The following MYBPC1 variants were observed in gnomAD, a reference collection of about 807,000 sequenced individuals.
The protein encoded by MYBPC1 is myosin binding protein C1, also known as myosin-binding protein C, slow-type.
In MYBPC1, 52 loss-of-function variants were observed where a neutral mutation model predicts 147.1. That is an observed-to-expected ratio of 0.35 (90% CI 0.28 to 0.45). MYBPC1 has a LOEUF of 0.45. Among genes scored for constraint, MYBPC1 ranks in the 20% least tolerant of loss-of-function variants. The pLI is 1.00. For synonymous variants in MYBPC1, 477 were observed against 475.9 expected (o/e 1.00, Z -0.03); for missense variants, 1,228 against 1,440.3 (o/e 0.85, Z 2.39).
chr12:101,664,428 G>C (rs1254164198), intron 22 of MYBPC1: 1 of 152,152 alleles, frequency 6.6e-6, no homozygotes, highest in Non-Finnish European at 1.5e-5. Flanking sequence ...TCCACAAACA[G>C]TGGCCCAAGA....
intron 30 of MYBPC1, 32 bp downstream of exon 30, chr12:101,682,694 T>C: frequency 6.4e-7 from 1 of 1,561,870 alleles, no homozygotes; most frequent in Non-Finnish European, 8.8e-7. Flanking sequence ...CTGGATATTC[T>C]ACTTTCCGTT....
At chr12:101,642,709 G>A (rs1892323940) in intron 11 of MYBPC1, 124 bp downstream of exon 11, 1 of 1,047,288 alleles carries the variant, frequency 9.5e-7, no homozygotes, top group South Asian at 1.4e-5. Flanking sequence ...CTGGGTAGGA[G>A]TGCAGGGGTT....
chr12:101,648,301 CTA>C, intron 14 of MYBPC1, 151 bp downstream of exon 14: 1 of 589,628 alleles, frequency 1.7e-6, no homozygotes, highest in East Asian at 3.4e-5. Flanking sequence ...TAAAAGTATA[CTA>C]ATATACTGGG....
chr12:101,604,167 G>T (rs887956618), intron 1 of MYBPC1, among the ~76,000 whole-genome samples: 1 of 152,080 alleles, frequency 6.6e-6, no homozygotes, highest in Non-Finnish European at 1.5e-5. Context: ...TTTTCCCCCA[G>T]CCCCATGTTA....
intron 11 of MYBPC1, 28 bp downstream of exon 11, chr12:101,642,613 G>A: frequency 1.3e-6 from 2 of 1,595,036 alleles, no homozygotes; most frequent in Non-Finnish European, 1.7e-6. Flanking sequence ...CGAGGCAGCG[G>A]CCGAGGGGCG....
intron 10 of MYBPC1, 97 bp downstream of exon 10, chr12:101,636,825 T>A: frequency 9.7e-7 from 1 of 1,026,662 alleles, no homozygotes; most frequent in South Asian, 1.3e-5. Flanking sequence ...CTTCAGAGAA[T>A]TTTTCATTTC....
In MYBPC1 at chr12:101,680,517, C is replaced by G; in HGVS notation, c.3421C>G (p.Leu1141Val). The change falls in exon 29 of 32, where the codon CTG (leucine) becomes GTG (valine). Residue 1141 changes from leucine (L) to valine (V), a missense_variant. This residue lies in a region of MYBPC1 where 1,077 missense variants were observed against 1,314.2 expected (regional missense o/e 0.82). Coordinates refer to ENST00000361466, the MANE Select transcript of MYBPC1 (RefSeq NM_002465.4). ...DLGTVEIECK[L>V]EVKVIYQGVN... Reference sequence around the variant, plus strand: ...TGGGACAGTGGAGATTGAATGCAAACTGGAGGTGAAAGGTATGACATCCAA... The same window carrying G: ...TGGGACAGTGGAGATTGAATGCAAAGTGGAGGTGAAAGGTATGACATCCAA... 1.2e-6 allele frequency: 2 copies of G among 1,613,988 alleles called. No homozygotes were observed. Among genetic ancestry groups the G allele is most frequent in the Non-Finnish European group, 1.7e-6 (2 of 1,179,910 alleles).
chr12:101,629,511 A>G lies in MYBPC1; in HGVS notation c.256A>G (p.Ile86Val), dbSNP rs1184563177. The change falls in exon 6 of 32, where the codon ATT becomes GTT. Residue 86 changes from isoleucine (I) to valine (V), a missense_variant. Ile to Val is a conservative substitution (Grantham distance 29). This residue lies in a region of MYBPC1 where 151 missense variants were observed against 126.1 expected (regional missense o/e 1.20). Transcript: ENST00000361466. ...NANSQLSILF[I>V]EKPQGGTVKV... ...CAACTCCCAGCTGTCCATCTTGTTC[A>G]TTGAAAAACCTCAAGGAGGAACAGT... 9 of 1,613,910 alleles carry G rather than the reference A, an allele frequency of 5.6e-6. No individual in the cohort carries two copies. Among genetic ancestry groups the G allele is most frequent in the Non-Finnish European group, 7.6e-6 (9 of 1,179,824 alleles).
At chr12:101,595,479 G>A (rs1199191068) in intron 1 of MYBPC1, among the ~76,000 whole-genome samples, 1 of 152,008 alleles carries the variant, frequency 6.6e-6, no homozygotes. Context: ...GCAGAGAGTA[G>A]GAGACTTAAA....
chr12:101,622,667 G>A (rs943493962), intron 3 of MYBPC1, among the ~76,000 whole-genome samples: 4 of 152,048 alleles, frequency 2.6e-5, no homozygotes, highest in African/African-American at 7.2e-5. Context: ...CCTGGAAGGC[G>A]GAGGTTGCAG....
chr12:101,682,367 T>C (rs1424026593), intron 29 of MYBPC1, among the ~76,000 whole-genome samples: 2 of 152,194 alleles, frequency 1.3e-5, no homozygotes, highest in Non-Finnish European at 2.9e-5. Context: ...ATGTAGTAAA[T>C]GGTACAGTAA....
intron 9 of MYBPC1, among the ~76,000 whole-genome samples, chr12:101,634,993 T>G (rs1890709652): frequency 6.6e-6 from 1 of 152,192 alleles, no homozygotes; most frequent in Admixed American, 6.5e-5. Context: ...TTATATTGCC[T>G]TTCATCTAGA....
intron 1 of MYBPC1, among the ~76,000 whole-genome samples, chr12:101,606,096 C>A (rs1882037992): frequency 6.6e-6 from 1 of 151,268 alleles, no homozygotes; most frequent in Non-Finnish European, 1.5e-5. Context: ...GGAGGCTGAG[C>A]TGGGAAGATC....
chr12:101,607,694 T>C (rs1279160913), intron 1 of MYBPC1, among the ~76,000 whole-genome samples: 1 of 152,090 alleles, frequency 6.6e-6, no homozygotes, highest in Admixed American at 6.5e-5. Flanking sequence ...AAAGCTAAAT[T>C]AAATGGTATA....
At chr12:101,690,777 C>T (rs757155503), downstream of MYBPC1, among the ~76,000 whole-genome samples, 68 of 152,262 alleles carry the variant, frequency 4.5e-4, no homozygotes, top group East Asian at 2.7e-3. Flanking sequence ...GGAAATTAAG[C>T]ATTTTTAGAG....
chr12:101,599,319 T>C (rs993424761), intron 1 of MYBPC1, among the ~76,000 whole-genome samples: 12 of 152,210 alleles, frequency 7.9e-5, no homozygotes, highest in African/African-American at 2.9e-4. Flanking sequence ...GTTGTTGTTG[T>C]TGTTGTTGGG....
rs1242569138 is a variant in MYBPC1, at chr12:101,632,072, A to T, written c.490A>T (p.Asn164Tyr). ...CAAGGCCAAAGATAACTTTGCAGGAAATTACAGATGCGAGGTCACCTATAA... is the reference window on the plus strand; with the variant it reads ...CAAGGCCAAAGATAACTTTGCAGGATATTACAGATGCGAGGTCACCTATAA... Reference protein sequence around the residue: ...IIKAKDNFAGNYRCEVTYKDK... With the variant: ...IIKAKDNFAGYYRCEVTYKDK... The change falls in exon 8 of 32, where the codon AAT becomes TAT. Residue 164 changes from asparagine to tyrosine, a missense_variant. Physicochemically the swap from Asn to Tyr is moderately radical, Grantham distance 143. Coordinates refer to ENST00000361466, the MANE Select transcript of MYBPC1 (RefSeq NM_002465.4). 1 of 1,614,178 alleles carries T rather than the reference A, an allele frequency of 6.2e-7. No individual in the cohort carries two copies. The highest frequency in any genetic ancestry group is 1.7e-5 in the Admixed American group (1 of 60,026).
At chr12:101,619,683 TG>T (rs1006925413) in intron 3 of MYBPC1, among the ~76,000 whole-genome samples, 1 of 152,240 alleles carries the variant, frequency 6.6e-6, no homozygotes. Context: ...TGATTTCCAC[TG>T]TAAGACCAAC....
At chr12:101,682,794 C>G (rs1236999282) in intron 30 of MYBPC1, 132 bp downstream of exon 30, 12 of 835,942 alleles carry the variant, frequency 1.4e-5, no homozygotes, top group South Asian at 2.9e-5. Flanking sequence ...TCATGGCATA[C>G]AGTGCTTATG....
Sources: allele counts gnomAD v4.1 joint callset (sites outside exome capture counted in the v4.1 genomes callset), GRCh38; gene constraint gnomAD v4.1.1; regional missense constraint gnomAD v4.1.1; transcripts MANE v1.5; gene names NCBI Gene and HGNC (gene_info 2026-07-23, HGNC 2026-07-21).